TEX9: variants seen among roughly 807,000 people sequenced by gnomAD.
The protein encoded by TEX9 is testis-expressed protein 9.
In TEX9, 74 loss-of-function variants were observed where a neutral mutation model predicts 59.6. The ratio of observed to expected loss-of-function variants is 1.24; its 90% confidence interval spans 1.03 to 1.51. The LOEUF is 1.51. TEX9 is among the 40% of genes most tolerant of loss of function. The pLI is 0.00. For missense variants in TEX9, 522 were observed against 447.8 expected, an observed-to-expected ratio of 1.17 and a Z score of -1.49; for synonymous variants, 186 against 152.2, an observed-to-expected ratio of 1.22 and a Z score of -1.64.
chr15:56,412,470 C>A, intron 10 of TEX9, 34 bp downstream of exon 10: 1 of 1,564,318 alleles, frequency 6.4e-7, no homozygotes. Flanking sequence ...TGTAGTGATC[C>A]CTTTTGGTAA....
At chr15:56,325,177 A>T (rs1174587410) in intron 1 of TEX9, among the ~76,000 whole-genome samples, 1 of 152,208 alleles carries the variant, frequency 6.6e-6, no homozygotes, top group Non-Finnish European at 1.5e-5. Flanking sequence ...ACAAATGCTA[A>T]TTCTGGAAGT....
chr15:56,428,156 G>T (rs758527117), intron 11 of TEX9, among the ~76,000 whole-genome samples: 1 of 151,866 alleles, frequency 6.6e-6, no homozygotes, highest in Non-Finnish European at 1.5e-5. Flanking sequence ...AAATATTATA[G>T]AATTATTATT....
chr15:56,254,562 A>G (rs1442657412), intron 1 of TEX9, among the ~76,000 whole-genome samples: 1 of 151,512 alleles, frequency 6.6e-6, no homozygotes, highest in Non-Finnish European at 1.5e-5. Flanking sequence ...CCCTTCACCT[A>G]TAATCACAAG....
At chr15:56,439,455 A>T (rs1043798359) in intron 12 of TEX9, among the ~76,000 whole-genome samples, 1 of 152,088 alleles carries the variant, frequency 6.6e-6, no homozygotes, top group Non-Finnish European at 1.5e-5. Context: ...CTAAAAAAAA[A>T]ATTTTAAGAC....
intron 1 of TEX9, among the ~76,000 whole-genome samples, chr15:56,267,275 G>A (rs1567067311): frequency 6.6e-6 from 1 of 152,140 alleles, no homozygotes; most frequent in Non-Finnish European, 1.5e-5. Context: ...CATTCTGTAG[G>A]TTGCCTGTTC....
chr15:56,302,443 C>T (rs557482544), intron 1 of TEX9, among the ~76,000 whole-genome samples: 1 of 152,120 alleles, frequency 6.6e-6, no homozygotes, highest in African/African-American at 2.4e-5. Context: ...ATCACTTGAG[C>T]CCAGGAGATC....
In TEX9 at chr15:56,280,266, C is replaced by T. The variant is rs559843938; in HGVS notation, c.-107+35988C>T. 1.8e-3 allele frequency among the ~76,000 whole-genome samples: 279 copies of T among 152,240 alleles called. 1 individual carries two copies. Among genetic ancestry groups the T allele is most frequent in the African/African-American group, 6.5e-3 (268 of 41,546 alleles). ...GAAGACTTAGAGACTCTCCACCCAC[C>T]CCACCCCCAGCCATGATCGCTGATG... On this transcript the variant is annotated intron_variant, in intron 1 of 5. Coordinates refer to the TEX9 transcript ENST00000560827.
intron 10 of TEX9, among the ~76,000 whole-genome samples, chr15:56,425,723 C>T (rs1248808532): frequency 6.6e-6 from 1 of 152,094 alleles, no homozygotes; most frequent in Non-Finnish European, 1.5e-5. Context: ...TTAGGATACA[C>T]TTCTGGATAT....
intron 1 of TEX9, among the ~76,000 whole-genome samples, chr15:56,247,748 T>A (rs1343756677): frequency 3.3e-5 from 5 of 152,230 alleles, no homozygotes; most frequent in African/African-American, 1.2e-4. Context: ...GCTGAAAGTA[T>A]ACATTTCACT....
chr15:56,391,185 C>T, intron 6 of TEX9, 58 bp from the exon 7 acceptor site: 1 of 1,162,642 alleles, frequency 8.6e-7, no homozygotes, highest in Non-Finnish European at 1.1e-6. Flanking sequence ...GTCTACCTTT[C>T]CTATTTTGTT....
chr15:56,403,093 C>G (rs1208325152), intron 9 of TEX9, among the ~76,000 whole-genome samples: 1 of 152,242 alleles, frequency 6.6e-6, no homozygotes, highest in Non-Finnish European at 1.5e-5. Flanking sequence ...GATGCCCTCT[C>G]TCACCACTCC....
chr15:56,277,792 A>C (rs754542463), intron 1 of TEX9, among the ~76,000 whole-genome samples: 2 of 152,256 alleles, frequency 1.3e-5, no homozygotes, highest in Non-Finnish European at 2.9e-5. Context: ...GAAACCAGCC[A>C]CAATTTAACC....
chr15:56,274,285 G>C (rs2141417191), intron 1 of TEX9, among the ~76,000 whole-genome samples: 1 of 152,112 alleles, frequency 6.6e-6, no homozygotes, highest in South Asian at 2.1e-4. Context: ...CTTTATCTGT[G>C]TTACCATGTT....
At chr15:56,394,390 T>G in intron 8 of TEX9, 143 bp downstream of exon 8, 3 of 713,122 alleles carry the variant, frequency 4.2e-6, no homozygotes, top group Non-Finnish European at 6.7e-6. Context: ...GTACTGAACT[T>G]TATTCTGAGA....
chr15:56,391,817 ATATTT>A (rs1384562795), intron 7 of TEX9, among the ~76,000 whole-genome samples: 3 of 152,190 alleles, frequency 2.0e-5, no homozygotes, highest in South Asian at 4.1e-4. Context: ...TACTGTTAAT[ATATTT>A]TATTTATTGC....
chr15:56,381,994 C>T (rs1172556191), intron 3 of TEX9, among the ~76,000 whole-genome samples: 1 of 152,162 alleles, frequency 6.6e-6, no homozygotes, highest in Non-Finnish European at 1.5e-5. Flanking sequence ...GTCTGGTAGT[C>T]AGAGATTGAA....
At chr15:56,400,829 T>C (rs1321899753) in intron 9 of TEX9, among the ~76,000 whole-genome samples, 1 of 152,172 alleles carries the variant, frequency 6.6e-6, no homozygotes, top group East Asian at 1.9e-4. Flanking sequence ...GGGACCGATA[T>C]TCAACATCCT....
rs185675266 is a variant in TEX9 at position 56,277,140 on chromosome 15, T to C, written c.-107+32862T>C. 1.2e-4 allele frequency among the ~76,000 whole-genome samples: 18 copies of C among 152,270 alleles called. No homozygotes were observed. In the East Asian group the frequency reaches 3.5e-3, roughly 29 times the overall value. ...GGTTGCCTGTTCAGTCTGATGATAG[T>C]TTTTTTGTTTTTGCTATGTAGAAGC... On this transcript the variant is annotated intron_variant, in intron 1 of 5. Transcript: ENST00000560827.
Position 56,281,588 on chromosome 15 carries a change from A to G in TEX9, c.-107+37310A>G, listed in dbSNP as rs931901140. 6.6e-5 allele frequency among the ~76,000 whole-genome samples: 10 copies of G among 152,162 alleles called. No individual in the cohort carries two copies. In the East Asian group the frequency reaches 1.7e-3, roughly 26 times the overall value. ...TAAGTCCGTGGAAAAATTATCTTCC[A>G]TGGCAATGGTCCCTGGTGCCAAAAA... On this transcript the variant is annotated intron_variant, in intron 1 of 5. Transcript: ENST00000560827.
Sources: allele counts gnomAD v4.1 joint callset (sites outside exome capture counted in the v4.1 genomes callset), GRCh38; gene constraint gnomAD v4.1.1; transcripts MANE v1.5; gene names NCBI Gene and HGNC (gene_info 2026-07-23, HGNC 2026-07-21).